Variants in LTBP2 observed in about 807,000 individuals in gnomAD.
LTBP2 encodes the protein latent-transforming growth factor beta-binding protein 2.
In LTBP2, 103 loss-of-function variants were observed where a neutral mutation model predicts 210.6. That is an observed-to-expected ratio of 0.49 (90% CI 0.42 to 0.58). LTBP2 has a LOEUF of 0.58. Among genes scored for constraint, LTBP2 ranks in the 20% least tolerant of loss-of-function variants. The pLI is 0.00. For missense variants in LTBP2, 2,313 were observed against 2,494.5 expected (o/e 0.93, Z 1.55); for synonymous variants, 1,007 against 1,015.0 (o/e 0.99, Z 0.15).
intron 3 of LTBP2, among the ~76,000 whole-genome samples, chr14:74,564,204 TATA>T: frequency 1.5e-5 from 1 of 68,412 alleles, no homozygotes; most frequent in Non-Finnish European, 2.5e-5. Context: ...TATATTTATA[TATA>T]TTTATATATA....
At chr14:74,508,172 C>A in intron 24 of LTBP2, 77 bp from the exon 25 acceptor site, 1 of 1,554,294 alleles carries the variant, frequency 6.4e-7, no homozygotes, top group Non-Finnish European at 8.8e-7. Flanking sequence ...TTCCTCTGGG[C>A]CCTGAGTAGC....
At chr14:74,569,319 T>C (rs1237816986) in intron 3 of LTBP2, among the ~76,000 whole-genome samples, 2 of 152,178 alleles carry the variant, frequency 1.3e-5, no homozygotes, top group African/African-American at 2.4e-5. Context: ...GAATGATTAA[T>C]AGGAAGTATG....
intron 4 of LTBP2, among the ~76,000 whole-genome samples, chr14:74,555,082 G>T (rs1356029379): frequency 6.8e-6 from 1 of 148,012 alleles, no homozygotes; most frequent in Non-Finnish European, 1.5e-5. Context: ...GCCATGGCGT[G>T]AATCCACAGA....
chr14:74,550,940 TG>T, intron 7 of LTBP2, 123 bp downstream of exon 7: 1 of 1,266,452 alleles, frequency 7.9e-7, no homozygotes, highest in Non-Finnish European at 1.1e-6. Context: ...ATCTGGGAAA[TG>T]GGAGAGTCTG....
At chr14:74,532,990 C>T (rs780676009) in intron 9 of LTBP2, among the ~76,000 whole-genome samples, 15 of 152,172 alleles carry the variant, frequency 9.9e-5, no homozygotes, top group South Asian at 2.1e-4. Flanking sequence ...CAGGTGCATA[C>T]CACCACATCC....
Position 74,498,486 on chromosome 14 carries a change from G to A in LTBP2, c.*2398C>T. On this transcript the variant is annotated 3_prime_UTR_variant, in exon 36 of 36. Transcript: ENST00000261978. ...TATGGTTTATCCATTCAATGGAATA[G>A]TATACAGCTGTAAAATGAAATGAGG... The A allele has an allele frequency of 4.6e-6, 1 of 218,880 alleles. No individual in the cohort carries two copies. The highest frequency in any genetic ancestry group is 9.2e-6 in the Non-Finnish European group (1 of 109,018). The allele number at this position is 218,880 out of a possible 1,614,324, so 13.6% of individuals were successfully genotyped here.
intron 3 of LTBP2, among the ~76,000 whole-genome samples, chr14:74,565,189 C>A (rs554984135): frequency 2.0e-5 from 3 of 152,298 alleles, no homozygotes; most frequent in East Asian, 3.9e-4. Context: ...AAAACTCCAA[C>A]CTTGGTTGAA....
chr14:74,522,441 T>G (rs376615710), intron 16 of LTBP2, among the ~76,000 whole-genome samples: 22 of 152,234 alleles, frequency 1.4e-4, no homozygotes, highest in African/African-American at 5.3e-4. Flanking sequence ...TGGAGACATT[T>G]GCAACTGGGG....
At chr14:74,568,151 T>C (rs1480689153) in intron 3 of LTBP2, among the ~76,000 whole-genome samples, 2 of 152,200 alleles carry the variant, frequency 1.3e-5, no homozygotes, top group African/African-American at 4.8e-5. Context: ...TGATGTAGCG[T>C]GGTCCCGGTG....
intron 3 of LTBP2, among the ~76,000 whole-genome samples, chr14:74,579,617 A>G (rs939066908): frequency 6.6e-6 from 1 of 152,350 alleles, no homozygotes; most frequent in South Asian, 2.1e-4. Flanking sequence ...ACATGCTGCC[A>G]TACGCTCCCA....
chr14:74,600,876 G>A (rs1290752705), intron 2 of LTBP2, among the ~76,000 whole-genome samples: 1 of 152,156 alleles, frequency 6.6e-6, no homozygotes, highest in African/African-American at 2.4e-5. Context: ...CCTGGGAGCT[G>A]GTTAGAACAT....
intron 3 of LTBP2, among the ~76,000 whole-genome samples, chr14:74,575,783 G>C (rs1169528069): frequency 6.6e-6 from 1 of 152,188 alleles, no homozygotes; most frequent in African/African-American, 2.4e-5. Context: ...CTGAGACAAA[G>C]GTCTCTTCCC....
chr14:74,573,048 G>C (rs8006916), intron 3 of LTBP2, among the ~76,000 whole-genome samples: 58,261 of 152,058 alleles, frequency 0.38, 12,893 homozygotes, highest in Non-Finnish European at 0.51. Context: ...TAATGAGGCC[G>C]AATGCTGCTC....
intron 2 of LTBP2, among the ~76,000 whole-genome samples, chr14:74,596,415 A>C (rs2088365259): frequency 6.6e-6 from 1 of 152,148 alleles, no homozygotes; most frequent in Non-Finnish European, 1.5e-5. Flanking sequence ...CTCAAAACAG[A>C]GACTGGGTAG....
chr14:74,527,584 G>T (rs1486390960), intron 12 of LTBP2, among the ~76,000 whole-genome samples: 1 of 152,258 alleles, frequency 6.6e-6, no homozygotes, highest in Non-Finnish European at 1.5e-5. Flanking sequence ...TGGAGGGCCT[G>T]AAGATAGCTT....
At position 74,586,847 on chromosome 14, in the gene LTBP2, G is replaced by T. The variant is rs950378279; in HGVS notation, c.566-729C>A. Among the ~76,000 whole-genome samples, 1 of 152,148 alleles carries T rather than the reference G, an allele frequency of 6.6e-6. No individual in the cohort carries two copies. Among genetic ancestry groups the T allele is most frequent in the Non-Finnish European group, 1.5e-5 (1 of 68,028 alleles). On this transcript the variant is annotated intron_variant, in intron 2 of 35. Transcript: ENST00000261978. The surrounding 1 kb of genome is among the most constrained non-coding windows in gnomAD (Gnocchi z 4.6). Reference sequence around the variant, plus strand: ...GCACGGTGGCCAGAATATAGCTGCCGGCACCACAGCCGCTGCCGGCCAGGT... The same window carrying T: ...GCACGGTGGCCAGAATATAGCTGCCTGCACCACAGCCGCTGCCGGCCAGGT...
intron 3 of LTBP2, among the ~76,000 whole-genome samples, chr14:74,572,832 G>A (rs1388814924): frequency 6.6e-6 from 1 of 152,134 alleles, no homozygotes; most frequent in Non-Finnish European, 1.5e-5. Context: ...GCCGGATGGG[G>A]CGAACCTTCC....
At chr14:74,506,012 T>C in intron 28 of LTBP2, 36 bp downstream of exon 28, 1 of 1,613,556 alleles carries the variant, frequency 6.2e-7, no homozygotes, top group Non-Finnish European at 8.5e-7. Context: ...TGTAAACCTC[T>C]GAGTCACCAT....
chr14:74,609,125 C>T (rs1418676731), intron 1 of LTBP2, among the ~76,000 whole-genome samples: 2 of 152,228 alleles, frequency 1.3e-5, no homozygotes, highest in Non-Finnish European at 2.9e-5. Context: ...CCTGATCAGC[C>T]TGACTAGAAG....
Sources: gnomAD v4.1 joint callset for allele counts (sites outside exome capture counted in the v4.1 genomes callset) on GRCh38, gnomAD v4.1.1 for gene constraint, Gnocchi (gnomAD v3.1) non-coding constraint, MANE v1.5 for transcripts, NCBI Gene and HGNC (gene_info 2026-07-23, HGNC 2026-07-21) for gene names.